Variants in PHACTR1 observed in about 807,000 individuals in gnomAD.
PHACTR1 encodes phosphatase and actin regulator 1, also known as RPEL repeat containing 1.
A neutral mutation model predicts 69.2 loss-of-function variants in PHACTR1; 16 were observed. The observed-to-expected ratio is 0.23, with a 90% CI of 0.16 to 0.35. The LOEUF (loss-of-function observed/expected upper bound fraction) is 0.35, where lower values mean the gene tolerates loss of function less well. Ranked by LOEUF, PHACTR1 falls within the 10% of genes least tolerant of loss-of-function variation. PHACTR1 has a pLI of 1.00. For missense variants in PHACTR1, 510 were observed against 734.7 expected (o/e 0.69, Z 3.54); for synonymous variants, 312 against 284.5 (o/e 1.10, Z -0.97).
At chr6:13,152,406 G>T (rs1398101816) in intron 5 of PHACTR1, among the ~76,000 whole-genome samples, 1 of 152,210 alleles carries the variant, frequency 6.6e-6, no homozygotes, top group Non-Finnish European at 1.5e-5. Context: ...TATGGAAAGG[G>T]AGACTGGGAA....
intron 10 of PHACTR1, among the ~76,000 whole-genome samples, chr6:13,236,538 C>A (rs1312291522): frequency 6.6e-6 from 1 of 152,174 alleles, no homozygotes; most frequent in Non-Finnish European, 1.5e-5. Flanking sequence ...TGCTGGGAAT[C>A]TTTGGTCTTC....
intron 4 of PHACTR1, among the ~76,000 whole-genome samples, chr6:13,019,439 A>T (rs1800661181): frequency 6.6e-6 from 1 of 152,220 alleles, no homozygotes; most frequent in African/African-American, 2.4e-5. Context: ...TCAACAAAGG[A>T]TGTTTAACGA....
chr6:13,259,196 T>C (rs1175705567), intron 10 of PHACTR1, among the ~76,000 whole-genome samples: 17 of 152,242 alleles, frequency 1.1e-4, no homozygotes, highest in Non-Finnish European at 1.5e-5. Flanking sequence ...ATTTCTGTTA[T>C]AACAACTCAG....
At chr6:13,133,265 A>G in intron 5 of PHACTR1, among the ~76,000 whole-genome samples, 1 of 72,234 alleles carries the variant, frequency 1.4e-5, no homozygotes, top group Non-Finnish European at 2.6e-5. Context: ...CTCTCCCCAC[A>G]GTCTCCCTCT....
chr6:13,187,223 T>C (rs553359843), intron 7 of PHACTR1, among the ~76,000 whole-genome samples: 44 of 152,182 alleles, frequency 2.9e-4, no homozygotes, highest in Admixed American at 1.1e-3. Context: ...GCCCTGGTGG[T>C]TGGGGACCCC....
chr6:12,766,057 C>A (rs1361986763), intron 4 of PHACTR1, among the ~76,000 whole-genome samples: 1 of 152,064 alleles, frequency 6.6e-6, no homozygotes, highest in African/African-American at 2.4e-5. Flanking sequence ...TTCTTTTTGA[C>A]CTGGACCCTA....
rs564505181 is a variant in PHACTR1 at position 13,119,390 on chromosome 6, A to G, written c.416-40814A>G. On this transcript the variant is annotated intron_variant, in intron 5 of 14. Coordinates refer to ENST00000332995, the MANE Select transcript of PHACTR1 (RefSeq NM_030948.6). The stretch of plus-strand genomic sequence containing the variant: ...ATAATTTGGTCACTTTTCTCACAAC[A>G]TCAGAAAGCTACCGTATAGTCCTAC... Among the ~76,000 whole-genome samples the G allele has an allele frequency of 2.0e-5, 3 of 152,340 alleles. No homozygotes were observed. In the South Asian group the frequency reaches 6.2e-4, roughly 32 times the overall value.
At chr6:12,939,068 C>A (rs1789791509) in intron 4 of PHACTR1, among the ~76,000 whole-genome samples, 1 of 152,160 alleles carries the variant, frequency 6.6e-6, no homozygotes, top group South Asian at 2.1e-4. Context: ...TTACATAATA[C>A]AGCTTTTCTG....
intron 5 of PHACTR1, among the ~76,000 whole-genome samples, chr6:13,063,896 G>T (rs576138423): frequency 1.3e-5 from 2 of 152,184 alleles, no homozygotes; most frequent in African/African-American, 4.8e-5. Context: ...TATGAGGTAT[G>T]TTAAGGAGTC....
chr6:13,086,708 T>A (rs894913904), intron 5 of PHACTR1, among the ~76,000 whole-genome samples: 4 of 152,156 alleles, frequency 2.6e-5, no homozygotes, highest in Non-Finnish European at 5.9e-5. Flanking sequence ...GTTTACCCAT[T>A]TGACCAGTTG....
chr6:13,258,852 G>C (rs1227583917), intron 10 of PHACTR1, among the ~76,000 whole-genome samples: 1 of 152,238 alleles, frequency 6.6e-6, no homozygotes, highest in Non-Finnish European at 1.5e-5. Flanking sequence ...AATAGCAAAA[G>C]ATAAAACATG....
At chr6:12,743,511 T>C (rs1765343992) in intron 3 of PHACTR1, among the ~76,000 whole-genome samples, 1 of 152,202 alleles carries the variant, frequency 6.6e-6, no homozygotes, top group South Asian at 2.1e-4. Context: ...TAAATATCTA[T>C]ATGATTCCTC....
intron 4 of PHACTR1, among the ~76,000 whole-genome samples, chr6:12,996,410 T>G (rs895783009): frequency 1.7e-4 from 26 of 152,132 alleles, no homozygotes; most frequent in Admixed American, 1.1e-3. Flanking sequence ...TTAAAATAAC[T>G]GAAGGAAATA....
At chr6:13,040,011 A>G (rs1175627150) in intron 4 of PHACTR1, among the ~76,000 whole-genome samples, 1 of 152,170 alleles carries the variant, frequency 6.6e-6, no homozygotes, top group Non-Finnish European at 1.5e-5. Context: ...TACATGCTTT[A>G]TATGTTAATT....
At chr6:12,755,567 A>G (rs1307442059) in intron 4 of PHACTR1, among the ~76,000 whole-genome samples, 2 of 152,184 alleles carry the variant, frequency 1.3e-5, no homozygotes, top group Non-Finnish European at 2.9e-5. Context: ...GAGTTAAAAG[A>G]AGAATGAATC....
At chr6:12,759,553 C>T (rs936954949) in intron 4 of PHACTR1, among the ~76,000 whole-genome samples, 1 of 151,956 alleles carries the variant, frequency 6.6e-6, no homozygotes, top group Non-Finnish European at 1.5e-5. Context: ...AGAGTAAGTA[C>T]CGACCTAGCC....
chr6:13,126,199 TAGTC>T (rs375841636), intron 5 of PHACTR1, among the ~76,000 whole-genome samples: 96 of 152,296 alleles, frequency 6.3e-4, no homozygotes, highest in African/African-American at 1.9e-3. Flanking sequence ...GAATTTATGT[TAGTC>T]AGTTCACTAA....
chr6:12,758,358 C>T (rs769980904), intron 4 of PHACTR1, among the ~76,000 whole-genome samples: 2 of 150,526 alleles, frequency 1.3e-5, no homozygotes, highest in Non-Finnish European at 3.0e-5. Context: ...AGGAGAATTG[C>T]TTGAACCCAG....
chr6:12,913,475 G>A (rs930231318), intron 4 of PHACTR1, among the ~76,000 whole-genome samples: 10 of 152,160 alleles, frequency 6.6e-5, no homozygotes, highest in South Asian at 4.1e-4. Context: ...GGAAATGTCC[G>A]AATGGATAAA....
Sources: allele counts gnomAD v4.1 joint callset (sites outside exome capture counted in the v4.1 genomes callset), GRCh38; gene constraint gnomAD v4.1.1; transcripts MANE v1.5; gene names NCBI Gene and HGNC (gene_info 2026-07-23, HGNC 2026-07-21).